Variants in TRABD2B observed in about 807,000 individuals in gnomAD.
TRABD2B encodes the protein metalloprotease TIKI2.
In TRABD2B, 14 loss-of-function variants were observed where a neutral mutation model predicts 40.1. That is an observed-to-expected ratio of 0.35 (90% CI 0.23 to 0.55). The LOEUF (loss-of-function observed/expected upper bound fraction) is 0.55, where lower values mean the gene tolerates loss of function less well. Ranked by LOEUF, TRABD2B falls within the 20% of genes least tolerant of loss-of-function variation. The pLI is 0.90. For missense variants in TRABD2B, 541 were observed against 648.6 expected (o/e 0.83, Z 1.80); for synonymous variants, 263 against 277.0 (o/e 0.95, Z 0.50).
At chr1:47,880,782 G>T (rs567746290) in intron 2 of TRABD2B, among the ~76,000 whole-genome samples, 1 of 152,190 alleles carries the variant, frequency 6.6e-6, no homozygotes, top group Non-Finnish European at 1.5e-5. Flanking sequence ...AGGCTTCTCC[G>T]CCTCTCACAA....
intron 2 of TRABD2B, among the ~76,000 whole-genome samples, chr1:47,838,406 C>G (rs1645347633): frequency 6.6e-6 from 1 of 152,164 alleles, no homozygotes; most frequent in Non-Finnish European, 1.5e-5. Flanking sequence ...GGAGGGTCAG[C>G]AGGGTCTGCA....
chr1:47,791,330 C>G (rs2124193640), intron 4 of TRABD2B, among the ~76,000 whole-genome samples: 1 of 152,350 alleles, frequency 6.6e-6, no homozygotes, highest in African/African-American at 2.4e-5. Flanking sequence ...GGGCTTGGCT[C>G]AGACACCTGG....
chr1:47,775,449 G>A lies in TRABD2B; in HGVS notation c.1080-10C>T. ...GCTCTGGGGGGCAGGGCTGGAAAGA[G>A]GTAATGGCACATGGGGCACATGTGT... On this transcript the variant is annotated splice_polypyrimidine_tract_variant and intron_variant, in intron 5 of 6. Transcript: ENST00000606738. 8.1e-7 allele frequency: 1 copy of A among 1,234,716 alleles called. No individual in the cohort carries two copies. Among genetic ancestry groups the A allele is most frequent in the East Asian group, 3.2e-5 (1 of 31,722 alleles). The allele number at this position is 1,234,716 out of a possible 1,614,324, so 76.5% of individuals were successfully genotyped here. A position where few individuals can be genotyped will look rare whatever the true frequency, so the allele number is the denominator to read the frequency against.
At chr1:47,858,298 C>T (rs1643918757) in intron 2 of TRABD2B, among the ~76,000 whole-genome samples, 1 of 150,680 alleles carries the variant, frequency 6.6e-6, no homozygotes, top group African/African-American at 2.4e-5. Context: ...TGCTCCATCA[C>T]CCAGGCTGGT....
chr1:47,863,293 A>C (rs989056798), intron 2 of TRABD2B, among the ~76,000 whole-genome samples: 3 of 142,012 alleles, frequency 2.1e-5, no homozygotes, highest in Non-Finnish European at 4.6e-5. Flanking sequence ...TTGGGAGAAA[A>C]TATTTGCAAA....
intron 2 of TRABD2B, among the ~76,000 whole-genome samples, chr1:47,926,785 G>A (rs747072485): frequency 6.6e-6 from 1 of 152,144 alleles, no homozygotes; most frequent in Non-Finnish European, 1.5e-5. Context: ...ACAGACTGGT[G>A]CCAACTACTC....
intron 3 of TRABD2B, among the ~76,000 whole-genome samples, chr1:47,796,001 C>T (rs942866494): frequency 6.6e-5 from 10 of 152,052 alleles, no homozygotes; most frequent in African/African-American, 2.4e-4. Context: ...TTTTGTCATT[C>T]CTGGCCCCCA....
chr1:47,893,090 A>C (rs12119664), intron 2 of TRABD2B, among the ~76,000 whole-genome samples: 31,274 of 152,012 alleles, frequency 0.21, 3,484 homozygotes, highest in Admixed American at 0.25. Flanking sequence ...GTCCAGACGC[A>C]GTGTCATCTG....
rs1645077080 is a variant in TRABD2B, at chr1:47,819,413, C to T, written c.667-17794G>A. The T allele has an allele frequency of 2.0e-5, 3 of 152,358 alleles. No individual in the cohort carries two copies. The South Asian group carries it at 6.2e-4, about 32-fold the overall frequency. 9.4% of individuals were successfully genotyped at this position (152,358 alleles called of 1,614,324 possible). ...TGATTGGATCTTTAACAGCTCTTTA[C>T]AAGGCTGAAACCGAAGCCGCCTGAG... is the stretch of plus-strand genomic sequence containing the variant. On this transcript the variant is annotated intron_variant, in intron 2 of 6. Coordinates refer to ENST00000606738, the MANE Select transcript of TRABD2B (RefSeq NM_001194986.2).
chr1:47,814,288 G>T (rs922940991), intron 2 of TRABD2B, among the ~76,000 whole-genome samples: 2 of 152,248 alleles, frequency 1.3e-5, no homozygotes, highest in African/African-American at 4.8e-5. Flanking sequence ...CTGGAGCTCA[G>T]ACTTTACTCT....
intron 2 of TRABD2B, among the ~76,000 whole-genome samples, chr1:47,940,102 G>T (rs1375075379): frequency 6.6e-6 from 1 of 152,178 alleles, no homozygotes; most frequent in Middle Eastern, 3.2e-3. Flanking sequence ...TCACCATGTG[G>T]TTTCCCACAG....
At chr1:47,989,592 T>C (rs1645970384) in intron 2 of TRABD2B, among the ~76,000 whole-genome samples, 1 of 152,166 alleles carries the variant, frequency 6.6e-6, no homozygotes, top group Non-Finnish European at 1.5e-5. Context: ...TTGGGACATA[T>C]TCCCTGGGAG....
In TRABD2B at chr1:47,997,147, G is replaced by A. The variant is rs1646105689; in HGVS notation, c.-358C>T. On this transcript the variant is annotated 5_prime_UTR_variant, in exon 1 of 7. Coordinates refer to ENST00000606738, the MANE Select transcript of TRABD2B (RefSeq NM_001194986.2). ...GTTCCTGGGGCAGAACCGAGAACCC[G>A]GGGTGCGCAAGGGTCCCGGGGTTAT... The A allele has an allele frequency of 4.1e-6, 4 of 984,026 alleles. No individual in the cohort carries two copies. The highest frequency in any genetic ancestry group is 1.8e-5 in the African/African-American group (1 of 56,892). 61.0% of individuals were successfully genotyped at this position (984,026 alleles called of 1,614,324 possible). A position where few individuals can be genotyped will look rare whatever the true frequency, so the allele number is the denominator to read the frequency against.
chr1:47,894,688 C>G (rs1010906032), intron 2 of TRABD2B, among the ~76,000 whole-genome samples: 12 of 152,276 alleles, frequency 7.9e-5, no homozygotes, highest in Middle Eastern at 6.8e-3. Context: ...ACCCCACCAG[C>G]AGTATGTGTG....
chr1:47,973,483 A>G (rs963127461), intron 2 of TRABD2B, among the ~76,000 whole-genome samples: 1 of 152,220 alleles, frequency 6.6e-6, no homozygotes, highest in Non-Finnish European at 1.5e-5. Context: ...AATGAACCAC[A>G]TAGTACTTGA....
chr1:47,978,218 T>C (rs916947980), intron 2 of TRABD2B, among the ~76,000 whole-genome samples: 3 of 152,080 alleles, frequency 2.0e-5, no homozygotes, highest in South Asian at 2.1e-4. Flanking sequence ...GCCATGTAAA[T>C]ACACAGAGAC....
intron 4 of TRABD2B, among the ~76,000 whole-genome samples, chr1:47,793,026 G>C (rs1425655136): frequency 6.6e-6 from 1 of 152,096 alleles, no homozygotes; most frequent in African/African-American, 2.4e-5. Flanking sequence ...AAGCTGTCCT[G>C]ACTCACACCG....
At chr1:47,791,221 C>T (rs912660321) in intron 4 of TRABD2B, among the ~76,000 whole-genome samples, 35 of 152,300 alleles carry the variant, frequency 2.3e-4, no homozygotes, top group African/African-American at 8.2e-4. Flanking sequence ...CCTTCACATG[C>T]TTGGCCCCAT....
At position 47,827,164 on chromosome 1, in the gene TRABD2B, A is replaced by G. The variant is rs1356178482; in HGVS notation, c.667-25545T>C. Reference sequence around the variant, plus strand: ...CTCTTTACTCCCTGTAATGCCATCTATCCCAGCAAGCTCCCCAAACTCAGC... The same window carrying G: ...CTCTTTACTCCCTGTAATGCCATCTGTCCCAGCAAGCTCCCCAAACTCAGC... On this transcript the variant is annotated intron_variant, in intron 2 of 6. Transcript: ENST00000606738. Among the ~76,000 whole-genome samples, 4 of 152,174 alleles carry G rather than the reference A, an allele frequency of 2.6e-5. No homozygotes were observed. The East Asian group carries it at 7.7e-4, about 29-fold the overall frequency.
Sources: allele counts gnomAD v4.1 joint callset (sites outside exome capture counted in the v4.1 genomes callset), GRCh38; gene constraint gnomAD v4.1.1; transcripts MANE v1.5; gene names NCBI Gene and HGNC (gene_info 2026-07-23, HGNC 2026-07-21).